The following THSD4 variants were observed in gnomAD, a reference collection of about 807,000 sequenced individuals.
THSD4 encodes thrombospondin type 1 domain containing 4, also known as thrombospondin type-1 domain-containing protein 4.
A neutral mutation model predicts 119.0 loss-of-function variants in THSD4; 69 were observed. That is an observed-to-expected ratio of 0.58 (90% CI 0.48 to 0.71). The LOEUF is 0.71. Among genes scored for constraint, THSD4 ranks in the 30% least tolerant of loss-of-function variants. The probability of loss-of-function intolerance (pLI) is 0.00; values close to 1 mark genes in which losing one functional copy is unlikely to be tolerated. For synonymous variants in THSD4, 524 were observed against 540.4 expected (o/e 0.97, Z 0.42); for missense variants, 1,393 against 1,391.1 (o/e 1.00, Z -0.02).
chr15:71,249,596 C>T (rs529749599), intron 5 of THSD4, among the ~76,000 whole-genome samples: 2 of 149,120 alleles, frequency 1.3e-5, no homozygotes, highest in Non-Finnish European at 3.0e-5. Flanking sequence ...CTCTTATTGA[C>T]TTCATATATA....
At position 71,641,874 on chromosome 15, in the gene THSD4, T is replaced by C. The variant is rs545726196; in HGVS notation, c.1153-18656T>C. On this transcript the variant is annotated intron_variant, in intron 7 of 17. Coordinates refer to ENST00000261862, the MANE Select transcript of THSD4 (RefSeq NM_024817.3). ...ACCACAGTAAAGTTATTCCAGGTAA[T>C]TTAACTTTTGAGCTAGAAACCGAGG... is the stretch of plus-strand genomic sequence containing the variant. Among the ~76,000 whole-genome samples the C allele has an allele frequency of 5.9e-5, 9 of 152,204 alleles. No individual in the cohort carries two copies. The South Asian group carries it at 1.9e-3, about 32-fold the overall frequency.
chr15:71,436,815 A>G (rs1405198894), intron 7 of THSD4, among the ~76,000 whole-genome samples: 3 of 152,164 alleles, frequency 2.0e-5, no homozygotes, highest in Non-Finnish European at 4.4e-5. Context: ...AAATGTGGCA[A>G]TTTGAGGGAT....
chr15:71,473,243 A>G (rs2140645490), intron 7 of THSD4, among the ~76,000 whole-genome samples: 1 of 152,082 alleles, frequency 6.6e-6, no homozygotes, highest in Middle Eastern at 3.4e-3. Context: ...TTTTTTGTAG[A>G]GATAGGGTTT....
intron 15 of THSD4, among the ~76,000 whole-genome samples, chr15:71,762,776 A>C (rs376890240): frequency 1.3e-5 from 2 of 152,284 alleles, no homozygotes; most frequent in Admixed American, 6.5e-5. Context: ...GAAATCTTAT[A>C]GTTTTTTTTT....
At chr15:71,239,075 C>A (rs1332935953) in intron 4 of THSD4, among the ~76,000 whole-genome samples, 1 of 152,156 alleles carries the variant, frequency 6.6e-6, no homozygotes, top group Non-Finnish European at 1.5e-5. Flanking sequence ...AATAGCCAAA[C>A]TAGAGCTTTT....
chr15:71,713,002 A>C (rs1045877742), intron 8 of THSD4, among the ~76,000 whole-genome samples: 1 of 149,684 alleles, frequency 6.7e-6, no homozygotes, highest in African/African-American at 2.4e-5. Flanking sequence ...GTAAAAGTTG[A>C]ATTAATTGTT....
At chr15:71,699,996 CAGT>C (rs1316321524) in intron 8 of THSD4, among the ~76,000 whole-genome samples, 2 of 152,164 alleles carry the variant, frequency 1.3e-5, no homozygotes, top group East Asian at 3.9e-4. Context: ...TACTGGAATT[CAGT>C]AGTATTCATC....
Position 71,160,754 on chromosome 15 carries a change from T to C in THSD4, c.99+5822T>C, listed in dbSNP as rs2043241977. Among the ~76,000 whole-genome samples the C allele has an allele frequency of 2.6e-5, 4 of 152,006 alleles. No individual in the cohort carries two copies. In the South Asian group the frequency reaches 8.3e-4, roughly 32 times the overall value. On this transcript the variant is annotated intron_variant, in intron 3 of 17. Coordinates refer to ENST00000261862, the MANE Select transcript of THSD4 (RefSeq NM_024817.3). The stretch of plus-strand genomic sequence containing the variant: ...TCACCTTTTCAAAACACAAACTGTT[T>C]ATTTTGTTGATCTTAAAATTTTTTT...
chr15:71,123,414 ATC>A (rs1413472800), intron 1 of THSD4, among the ~76,000 whole-genome samples: 11 of 152,214 alleles, frequency 7.2e-5, no homozygotes, highest in African/African-American at 2.7e-4. Context: ...TGGGCTAACA[ATC>A]TCTGTACATG....
intron 10 of THSD4, among the ~76,000 whole-genome samples, chr15:71,735,220 G>C (rs1407722130): frequency 6.6e-6 from 1 of 152,110 alleles, no homozygotes; most frequent in Non-Finnish European, 1.5e-5. Flanking sequence ...GGTGCCACCG[G>C]GAGCAGCCTC....
rs1183251219 is a variant in THSD4, at chr15:71,215,096, G to A, written c.161G>A (p.Gly54Glu). The change falls in exon 4 of 18, where the codon GGA (glycine) becomes GAA (glutamate). Residue 54 changes from glycine (G) to glutamate (E), a missense_variant. Physicochemically the swap from Gly to Glu is moderately conservative, Grantham distance 98. Transcript: ENST00000261862. ...GACGACGGCGGCGGCGGCGCCCCGG[G>A]AGTGTGGGGCGCCTGGGGCCCCTGG... ...PEDDGGGGAP[G>E]VWGAWGPWSA... is the part of the protein sequence containing the mutation. 1 of 1,322,654 alleles carries A rather than the reference G, an allele frequency of 7.6e-7. No individual in the cohort carries two copies. The highest frequency in any genetic ancestry group is 9.7e-7 in the Non-Finnish European group (1 of 1,035,304). The allele number at this position is 1,322,654 out of a possible 1,614,324, so 81.9% of individuals were successfully genotyped here.
chr15:71,227,457 G>A (rs1033188704), intron 4 of THSD4, among the ~76,000 whole-genome samples: 9 of 152,172 alleles, frequency 5.9e-5, no homozygotes, highest in Admixed American at 5.2e-4. Flanking sequence ...TTCATATGAG[G>A]ATGGGAGGAA....
At chr15:71,576,447 G>T (rs1417798780) in intron 7 of THSD4, among the ~76,000 whole-genome samples, 1 of 152,114 alleles carries the variant, frequency 6.6e-6, no homozygotes, top group Non-Finnish European at 1.5e-5. Context: ...CAAAATACTT[G>T]GACCTCAGCT....
At chr15:71,199,630 G>GA (rs1217505492) in intron 3 of THSD4, among the ~76,000 whole-genome samples, 1 of 146,876 alleles carries the variant, frequency 6.8e-6, no homozygotes, top group Admixed American at 6.7e-5. Context: ...GGTGTGTGGT[G>GA]TGTGTGGTGT....
intron 7 of THSD4, among the ~76,000 whole-genome samples, chr15:71,618,836 T>A (rs2050369004): frequency 1.3e-5 from 2 of 151,644 alleles, no homozygotes; most frequent in Admixed American, 1.3e-4. Context: ...CCTCAGCCTC[T>A]CAAAGTGCTG....
intron 6 of THSD4, among the ~76,000 whole-genome samples, chr15:71,395,916 C>CAT (rs1566968318): frequency 1.2e-5 from 1 of 85,982 alleles, no homozygotes; most frequent in African/African-American, 4.7e-5. Flanking sequence ...TGAAGAGAGA[C>CAT]ACACACACAC....
intron 7 of THSD4, among the ~76,000 whole-genome samples, chr15:71,449,637 C>G (rs1273759092): frequency 1.4e-5 from 2 of 142,470 alleles, no homozygotes; most frequent in Non-Finnish European, 3.2e-5. Context: ...TCACACAGGA[C>G]AATGATGATA....
intron 3 of THSD4, chr15:71,185,961 A>G (rs2043597089): frequency 1.3e-5 from 2 of 152,216 alleles, no homozygotes; most frequent in South Asian, 4.1e-4. Flanking sequence ...GACAGTGACA[A>G]CCAACGTTTG....
chr15:71,286,105 C>A (rs978926078), intron 6 of THSD4, among the ~76,000 whole-genome samples: 1 of 152,042 alleles, frequency 6.6e-6, no homozygotes, highest in Non-Finnish European at 1.5e-5. Context: ...GGTTTGGGGT[C>A]ATGCTTTTAC....
Sources: gnomAD v4.1 joint callset for allele counts (sites outside exome capture counted in the v4.1 genomes callset) on GRCh38, gnomAD v4.1.1 for gene constraint, MANE v1.5 for transcripts, NCBI Gene and HGNC (gene_info 2026-07-23, HGNC 2026-07-21) for gene names.